Variants in DZIP1L observed in about 807,000 individuals in gnomAD.
DZIP1L encodes DAZ interacting zinc finger protein 1 like, also known as cilium assembly protein DZIP1L.
Under a neutral mutation model 88.7 loss-of-function variants are expected in DZIP1L, and 90 were observed. The ratio of observed to expected loss-of-function variants is 1.02; its 90% CI spans 0.86 to 1.21. The LOEUF is 1.21. DZIP1L is among the 50% of genes most tolerant of loss of function. The pLI is 0.00. For synonymous variants in DZIP1L, 363 were observed against 372.1 expected (o/e 0.98, Z 0.28); for missense variants, 932 against 955.8 (o/e 0.98, Z 0.33).
intron 5 of DZIP1L, 154 bp from the exon 6 acceptor site, chr3:138,088,661 A>G: frequency 4.6e-6 from 6 of 1,294,336 alleles, no homozygotes; most frequent in Admixed American, 3.6e-5. Context: ...TATTCACACA[A>G]ATCAGCATTC....
At chr3:138,085,135 C>T (rs918448763) in intron 7 of DZIP1L, among the ~76,000 whole-genome samples, 1 of 152,110 alleles carries the variant, frequency 6.6e-6, no homozygotes, top group Non-Finnish European at 1.5e-5. Context: ...AAACGTTAGA[C>T]CTAAAACCAT....
At chr3:138,089,078 T>A (rs72973020) in intron 5 of DZIP1L, 2 of 985,450 alleles carry the variant, frequency 2.0e-6, no homozygotes, top group Non-Finnish European at 1.2e-6. Flanking sequence ...TTATTTCTTA[T>A]AATATATGAC....
In DZIP1L at chr3:138,108,159, A is replaced by G. The variant is rs772205527; in HGVS notation, c.-81-4107T>C. On this transcript the variant is annotated intron_variant, in intron 1 of 15. Coordinates refer to ENST00000327532, the MANE Select transcript of DZIP1L (RefSeq NM_173543.3). ...CCACCATGCCTGGCTAATTTTTTGT[A>G]TTTTGAGTAGAGATGGGTGACATGA... is the stretch of plus-strand genomic sequence containing the variant. 6.7e-4 allele frequency: 660 copies of G among 984,286 alleles called. 2 individuals carry two copies. The highest frequency in any genetic ancestry group is 7.3e-4 in the Non-Finnish European group (609 of 829,176). The allele number at this position is 984,286 out of a possible 1,614,324, so 61.0% of individuals were successfully genotyped here.
chr3:138,072,545 C>T (rs993530016), intron 11 of DZIP1L, among the ~76,000 whole-genome samples: 6 of 151,926 alleles, frequency 3.9e-5, no homozygotes, highest in Non-Finnish European at 5.9e-5. Context: ...TAGTGTAATG[C>T]TTGGCTAATT....
In DZIP1L at chr3:138,088,580, T is replaced by C. The variant is rs925121288; in HGVS notation, c.871-73A>G. 7.9e-6 allele frequency: 12 copies of C among 1,525,910 alleles called. No individual in the cohort carries two copies. The African/African-American group carries it at 1.6e-4, about 21-fold the overall frequency. The allele number at this position is 1,525,910 out of a possible 1,614,324, so 94.5% of individuals were successfully genotyped here. On this transcript the variant is annotated intron_variant, in intron 5 of 15. Coordinates refer to ENST00000327532, the MANE Select transcript of DZIP1L (RefSeq NM_173543.3). ...ATGTTGTCTTTTATACCCAGAACAG[T>C]GTCAGAGGGGCACGCCTTACCCAAC... is the stretch of plus-strand genomic sequence containing the variant.
chr3:138,079,535 G>A (rs1943553770), intron 10 of DZIP1L, among the ~76,000 whole-genome samples: 1 of 152,206 alleles, frequency 6.6e-6, no homozygotes, highest in Non-Finnish European at 1.5e-5. Context: ...TGTGTACAGT[G>A]TGTTCCCATT....
At chr3:138,075,957 A>C (rs1336658037) in intron 11 of DZIP1L, among the ~76,000 whole-genome samples, 1 of 151,498 alleles carries the variant, frequency 6.6e-6, no homozygotes, top group Admixed American at 6.6e-5. Context: ...GATTCGTCTC[A>C]AAAAAAAAGG....
intron 3 of DZIP1L, 21 bp from the exon 4 acceptor site, chr3:138,095,004 C>T (rs374735086): frequency 3.7e-6 from 6 of 1,613,950 alleles, no homozygotes; most frequent in Non-Finnish European, 5.1e-6. Flanking sequence ...CACGCAAAGA[C>T]AGGTGACCAG....
At chr3:138,095,832 T>C (rs1944445761) in intron 3 of DZIP1L, among the ~76,000 whole-genome samples, 1 of 152,106 alleles carries the variant, frequency 6.6e-6, no homozygotes, top group Non-Finnish European at 1.5e-5. Context: ...GCATGTATTA[T>C]AAAGAACCAA....
intron 14 of DZIP1L, among the ~76,000 whole-genome samples, chr3:138,067,291 A>T (rs982873537): frequency 6.6e-6 from 1 of 152,226 alleles, no homozygotes; most frequent in Admixed American, 6.5e-5. Flanking sequence ...ATTTAATGAC[A>T]AAACAAGGGG....
intron 2 of DZIP1L, 58 bp downstream of exon 2, chr3:138,103,412 GC>G (rs999713372): frequency 6.5e-7 from 1 of 1,533,524 alleles, no homozygotes; most frequent in Admixed American, 1.8e-5. Context: ...GGCAACAGTT[GC>G]CCCAGTGGCT....
intron 11 of DZIP1L, among the ~76,000 whole-genome samples, chr3:138,073,692 G>A (rs921293949): frequency 6.6e-6 from 1 of 152,076 alleles, no homozygotes; most frequent in African/African-American, 2.4e-5. Context: ...CAGCTCACCA[G>A]CAATGGATCC....
chr3:138,102,600 T>C (rs1215338487), intron 2 of DZIP1L: 4 of 1,474,696 alleles, frequency 2.7e-6, no homozygotes, highest in Non-Finnish European at 3.8e-6. Context: ...ATACCTTGTC[T>C]ATGAAGGAGG....
At chr3:138,094,798 G>T in intron 4 of DZIP1L, 64 bp downstream of exon 4, 14 of 1,597,652 alleles carry the variant, frequency 8.8e-6, no homozygotes, top group Non-Finnish European at 1.1e-5. Context: ...GGATTCATGT[G>T]CATCAAGGGT....
chr3:138,084,944 C>T (rs963966208), intron 7 of DZIP1L, among the ~76,000 whole-genome samples: 2 of 152,246 alleles, frequency 1.3e-5, no homozygotes, highest in South Asian at 2.1e-4. Flanking sequence ...TGCAGATATG[C>T]GGCATTATTT....
At chr3:138,069,384 T>C (rs1217555462) in intron 12 of DZIP1L, among the ~76,000 whole-genome samples, 4 of 152,204 alleles carry the variant, frequency 2.6e-5, no homozygotes, top group Non-Finnish European at 4.4e-5. Flanking sequence ...CAGTAGGCTA[T>C]GAGTAGTTAA....
chr3:138,093,390 ACAGG>A (rs1944324200), intron 4 of DZIP1L, among the ~76,000 whole-genome samples: 2 of 152,230 alleles, frequency 1.3e-5, no homozygotes, highest in Non-Finnish European at 2.9e-5. Context: ...TTTTTAGAGC[ACAGG>A]TAGAGTAGAG....
At chr3:138,083,184 G>C (rs1228724320) in intron 8 of DZIP1L, among the ~76,000 whole-genome samples, 1 of 152,214 alleles carries the variant, frequency 6.6e-6, no homozygotes, top group Admixed American at 6.5e-5. Flanking sequence ...CTCTGCTGTG[G>C]TTTCCTCCTT....
chr3:138,105,392 G>A (rs879501396), intron 1 of DZIP1L, among the ~76,000 whole-genome samples: 4 of 151,612 alleles, frequency 2.6e-5, no homozygotes, highest in Admixed American at 6.6e-5. Flanking sequence ...ATATTCAGTC[G>A]TCTGTCAGTG....
Sources: allele counts gnomAD v4.1 joint callset (sites outside exome capture counted in the v4.1 genomes callset), GRCh38; gene constraint gnomAD v4.1.1; transcripts MANE v1.5; gene names NCBI Gene and HGNC (gene_info 2026-07-23, HGNC 2026-07-21).